Variants in TREML2 observed in about 807,000 individuals in gnomAD.
TREML2 encodes the protein trem-like transcript 2 protein.
In TREML2, 24 loss-of-function variants were observed where a neutral mutation model predicts 25.9. That is an observed-to-expected ratio of 0.93 (90% CI 0.67 to 1.30). The LOEUF is 1.30. Among genes scored for constraint, TREML2 ranks in the 50% most tolerant of loss-of-function variants. TREML2 has a pLI of 0.00. For synonymous variants in TREML2, 139 were observed against 155.2 expected, an observed-to-expected ratio of 0.90 and a Z score of 0.77; for missense variants, 359 against 395.6, an observed-to-expected ratio of 0.91 and a Z score of 0.78.
At chr6:41,198,898 T>A (rs903147981) in intron 1 of TREML2, among the ~76,000 whole-genome samples, 11 of 152,228 alleles carry the variant, frequency 7.2e-5, no homozygotes, top group African/African-American at 2.2e-4. Flanking sequence ...AGTCTCGCTC[T>A]GTTGCCCAGG....
In TREML2 at chr6:41,190,092, C is replaced by T. The variant is rs1766024078; in HGVS notation, c.*2335G>A. Among the ~76,000 whole-genome samples the T allele has an allele frequency of 6.6e-6, 1 of 152,122 alleles. No individual in the cohort carries two copies. Among genetic ancestry groups the T allele is most frequent in the African/African-American group, 2.4e-5 (1 of 41,412 alleles). ...TGTGGGCATGTCTTAGGCAAGCCCC[C>T]CTGTGCAAGTTCCCATATCTGTGCC... On this transcript the variant is annotated 3_prime_UTR_variant, in exon 5 of 5. Transcript: ENST00000483722.
At chr6:41,196,742 C>A (rs556511858) in intron 2 of TREML2, among the ~76,000 whole-genome samples, 1 of 152,300 alleles carries the variant, frequency 6.6e-6, no homozygotes, top group East Asian at 1.9e-4. Context: ...AATCTACTTT[C>A]TGTGTCTGTA....
intron 1 of TREML2, among the ~76,000 whole-genome samples, chr6:41,200,706 G>GAGATA (rs1324034574): frequency 1.3e-5 from 2 of 152,224 alleles, no homozygotes; most frequent in African/African-American, 4.8e-5. Flanking sequence ...AAAGCCTGAG[G>GAGATA]AAGCCTAGCA....
chr6:41,194,295 C>T, intron 3 of TREML2, 130 bp downstream of exon 3: 3 of 924,582 alleles, frequency 3.2e-6, no homozygotes, highest in South Asian at 1.9e-5. Flanking sequence ...AGTCCCCCAC[C>T]TCACATTCAG....
chr6:41,195,399 T>A (rs1426302590), intron 2 of TREML2, among the ~76,000 whole-genome samples: 1 of 152,082 alleles, frequency 6.6e-6, no homozygotes, highest in African/African-American at 2.4e-5. Flanking sequence ...AGCCTGGGTT[T>A]TGGACAGTGG....
rs183058614 is a variant in TREML2 at position 41,198,442 on chromosome 6, T to G, written c.56-13A>C. Reference sequence around the variant, plus strand: ...TCAGCAGAGGGGCCTGTGGAGACAATACTTATTGAATAAGGTCTGGCAAGA... The same window carrying G: ...TCAGCAGAGGGGCCTGTGGAGACAAGACTTATTGAATAAGGTCTGGCAAGA... On this transcript the variant is annotated splice_polypyrimidine_tract_variant and intron_variant, in intron 1 of 4. Transcript: ENST00000483722. 1.2e-3 allele frequency: 1,880 copies of G among 1,595,798 alleles called. 28 individuals are homozygous for G. The East Asian group carries it at 0.023, about 20-fold the overall frequency.
intron 3 of TREML2, 49 bp downstream of exon 3, chr6:41,194,376 G>T: frequency 1.3e-6 from 2 of 1,485,282 alleles, no homozygotes; most frequent in Non-Finnish European, 1.8e-6. Flanking sequence ...CTCCAGGTCT[G>T]TTTGGGCACT....
chr6:41,196,010 G>C (rs759295203), intron 2 of TREML2, among the ~76,000 whole-genome samples: 1 of 152,130 alleles, frequency 6.6e-6, no homozygotes, highest in African/African-American at 2.4e-5. Context: ...TGGTCTTCAG[G>C]GGGCAGTGGA....
rs373550312 is a variant in TREML2 at position 41,192,609 on chromosome 6, T to C, written c.887-103A>G. The C allele has an allele frequency of 4.2e-5, 54 of 1,289,700 alleles. 1 individual carries two copies. In the East Asian group the frequency reaches 6.9e-4, roughly 16 times the overall value. 79.9% of individuals were successfully genotyped at this position (1,289,700 alleles called of 1,614,324 possible). ...CCTTTCTGGCTCTGCCTCTGGTTCC[T>C]TCCAGGTCATCCCCTTAGGGTTGTG... On this transcript the variant is annotated intron_variant, in intron 4 of 4. Coordinates refer to ENST00000483722, the MANE Select transcript of TREML2 (RefSeq NM_024807.4).
rs1188794487 is a variant in TREML2 at position 41,190,127 on chromosome 6, AT to A, written c.*2299del. On this transcript the variant is annotated 3_prime_UTR_variant, in exon 5 of 5. Transcript: ENST00000483722. ...TTCCCATATCTGTGCCTGCAGCTTGATTTTTCAGGCTGTTCTTTTGTTTAAA... is the reference window on the plus strand; with the variant it reads ...TTCCCATATCTGTGCCTGCAGCTTGATTTTCAGGCTGTTCTTTTGTTTAAA... 2 of 152,102 alleles carry A rather than the reference AT, an allele frequency of 1.3e-5. No homozygotes were observed. Among genetic ancestry groups the A allele is most frequent in the African/African-American group, 2.4e-5 (1 of 41,488 alleles). 9.4% of individuals were successfully genotyped at this position (152,102 alleles called of 1,614,324 possible).
In TREML2 at chr6:41,192,909, G is replaced by A. The variant is rs760725324; in HGVS notation, c.786-8C>T. The A allele has an allele frequency of 1.3e-6, 2 of 1,557,926 alleles. No individual in the cohort carries two copies. The highest frequency in any genetic ancestry group is 1.7e-6 in the Non-Finnish European group (2 of 1,153,976). The stretch of plus-strand genomic sequence containing the variant: ...GAGTAAACATCCTGGTGCCTGAGAA[G>A]AAGGGACAGGGTGGAAGCGGGTGAG... On this transcript the variant is annotated splice_polypyrimidine_tract_variant and splice_region_variant and intron_variant, in intron 3 of 4. Transcript: ENST00000483722.
intron 3 of TREML2, 144 bp from the exon 4 acceptor site, chr6:41,193,045 C>T (rs753349959): frequency 1.1e-4 from 67 of 621,066 alleles, no homozygotes; most frequent in Non-Finnish European, 1.6e-4. Flanking sequence ...GACCCGGCCA[C>T]AGAAGCAAGT....
chr6:41,192,893 TCCTGGTG>T lies in TREML2; in HGVS notation c.787_793del (p.His263MetfsTer11). 2 of 1,570,628 alleles carry T rather than the reference TCCTGGTG, an allele frequency of 1.3e-6. No individual in the cohort carries two copies. Among genetic ancestry groups the T allele is most frequent in the Non-Finnish European group, 1.7e-6 (2 of 1,160,962 alleles). ...CACCCCAAGCACAGTGGAGTAAACATCCTGGTGCCTGAGAAGAAGGGACAGGGTGGAA... is the reference window on the plus strand; with the variant it reads ...CACCCCAAGCACAGTGGAGTAAACATCCTGAGAAGAAGGGACAGGGTGGAA... On this transcript the variant is annotated frameshift_variant and splice_region_variant, in exon 4 of 5. Transcript: ENST00000483722. LOFTEE classifies it high-confidence loss of function.
chr6:41,200,894 C>A, intron 1 of TREML2, 60 bp downstream of exon 1: 1 of 1,410,414 alleles, frequency 7.1e-7, no homozygotes, highest in South Asian at 1.5e-5. Context: ...AGAAAAAGGC[C>A]CTGAGCTCCT....
chr6:41,198,351 C>T lies in TREML2; in HGVS notation c.134G>A (p.Gly45Asp). The T allele has an allele frequency of 6.2e-7, 1 of 1,614,242 alleles. No homozygotes were observed. Among genetic ancestry groups the T allele is most frequent in the South Asian group, 1.1e-5 (1 of 91,088 alleles). Residue 45 changes from glycine to aspartate, a missense_variant, in exon 2 of 5, where the codon GGC becomes GAC. Gly to Asp is a moderately conservative substitution (Grantham distance 94). Transcript: ENST00000483722. ...CTTGCCCTCCACGCGGTTTTTGTAG[C>T]CCTTATAGGAGCACTGCACAGACAG... ...ETLSVQCSYK[G>D]YKNRVEGKVW...
Position 41,198,308 on chromosome 6 carries a change from C to T in TREML2, c.177G>A (p.Arg59=). The T allele has an allele frequency of 6.2e-7, 1 of 1,614,236 alleles. No homozygotes were observed. Among genetic ancestry groups the T allele is most frequent in the African/African-American group, 1.3e-5 (1 of 75,056 alleles). The change falls in exon 2 of 5, where the codon AGG becomes AGA. Residue 59 remains arginine (R), a synonymous_variant. Coordinates refer to ENST00000483722, the MANE Select transcript of TREML2 (RefSeq NM_024807.4). ...CAAAGCCAGGCTCACACTTCTTCTT[C>T]CTGATTTTGCACCAAACCTTGCCCT... The part of the protein sequence containing the change: ...RVEGKVWCKI[R]KKKCEPGFAR...
intron 1 of TREML2, among the ~76,000 whole-genome samples, chr6:41,199,650 C>G (rs1031463821): frequency 1.1e-4 from 16 of 152,142 alleles, no homozygotes; most frequent in Non-Finnish European, 4.4e-5. Context: ...TCCCTCCACC[C>G]CTCTGCCTGC....
rs1766078207 is a variant in TREML2 at position 41,192,263 on chromosome 6, GGCT to G, written c.*161_*163del. On this transcript the variant is annotated 3_prime_UTR_variant, in exon 5 of 5. Transcript: ENST00000483722. ...CCCCAAGGAGAACACTGGGCTGTGG[GGCT>G]GCTTAGGATGGCAGCCTCTGGGTTT... is the stretch of plus-strand genomic sequence containing the variant. The G allele has an allele frequency of 4.7e-6, 3 of 637,064 alleles. No individual in the cohort carries two copies. Among genetic ancestry groups the G allele is most frequent in the African/African-American group, 3.6e-5 (2 of 55,258 alleles). 39.5% of individuals were successfully genotyped at this position (637,064 alleles called of 1,614,324 possible).
At position 41,192,490 on chromosome 6, in the gene TREML2, G is replaced by A. The variant is rs138732399; in HGVS notation, c.903C>T (p.Ser301=). ...KRHMASYSMC[S]DPSTRDPPGR... ...CAGGTGGGTCACGTGTAGAAGGATC[G>A]CTGCACATGCTGTAGCCTGCAAGAA... Residue 301 remains serine, a synonymous_variant, in exon 5 of 5, where the codon AGC becomes AGT. Transcript: ENST00000483722. 35 of 1,613,704 alleles carry A rather than the reference G, an allele frequency of 2.2e-5. No individual in the cohort carries two copies. The African/African-American group carries it at 3.1e-4, about 14-fold the overall frequency.
Sources: gnomAD v4.1 joint callset for allele counts (sites outside exome capture counted in the v4.1 genomes callset) on GRCh38, gnomAD v4.1.1 for gene constraint, MANE v1.5 for transcripts, NCBI Gene and HGNC (gene_info 2026-07-23, HGNC 2026-07-21) for gene names.